Variants in DAB1 observed in about 807,000 individuals in gnomAD.
DAB1 encodes the protein disabled homolog 1.
DAB1 carries 15 observed loss-of-function variants against 64.6 expected under a neutral mutation model. The ratio of observed to expected loss-of-function variants is 0.23; its 90% CI spans 0.16 to 0.36. DAB1 has a LOEUF of 0.36. Among genes scored for constraint, DAB1 ranks in the 10% least tolerant of loss-of-function variants. DAB1 has a pLI of 1.00. For synonymous variants in DAB1, 235 were observed against 251.9 expected, an observed-to-expected ratio of 0.93 and a Z score of 0.64; for missense variants, 596 against 706.7, an observed-to-expected ratio of 0.84 and a Z score of 1.78.
At chr1:57,553,104 T>C (rs571640752) in intron 7 of DAB1, among the ~76,000 whole-genome samples, 4 of 151,838 alleles carry the variant, frequency 2.6e-5, no homozygotes, top group East Asian at 2.0e-4. Flanking sequence ...GTGGCAAGCA[T>C]AGGGAGTAAA....
chr1:57,421,906 G>T (rs1409295492), intron 1 of DAB1, among the ~76,000 whole-genome samples: 1 of 100,924 alleles, frequency 9.9e-6, no homozygotes, highest in African/African-American at 4.1e-5. Context: ...GGGTGGCGGG[G>T]GGGGGGGTGG....
intron 4 of DAB1, among the ~76,000 whole-genome samples, chr1:58,282,605 T>TAAAA (rs10641105): frequency 0.014 from 2,067 of 147,938 alleles, 29 homozygotes; most frequent in Non-Finnish European, 0.02. Flanking sequence ...GCCTTTGTTC[T>TAAAA]AAAAAAAAAA....
intron 7 of DAB1, among the ~76,000 whole-genome samples, chr1:57,520,610 G>T (rs1474360347): frequency 1.3e-5 from 2 of 152,022 alleles, no homozygotes; most frequent in Admixed American, 1.3e-4. Context: ...ATTAGACATT[G>T]TTATACTGCT....
chr1:58,228,493 G>A (rs1025543673), intron 4 of DAB1, among the ~76,000 whole-genome samples: 3 of 152,124 alleles, frequency 2.0e-5, no homozygotes, highest in African/African-American at 7.2e-5. Flanking sequence ...CAGAGTCAGA[G>A]GCACTGGGTG....
At chr1:57,614,232 C>T (rs1283833380) in intron 7 of DAB1, among the ~76,000 whole-genome samples, 4 of 152,200 alleles carry the variant, frequency 2.6e-5, no homozygotes, top group African/African-American at 9.7e-5. Flanking sequence ...ATCTCTTAAG[C>T]TTTCAATGTT....
chr1:58,263,986 G>C (rs897111094), intron 4 of DAB1, among the ~76,000 whole-genome samples: 5 of 152,302 alleles, frequency 3.3e-5, no homozygotes, highest in Middle Eastern at 3.4e-3. Flanking sequence ...GATATGTATA[G>C]TGTGCACTTA....
chr1:57,665,013 T>C (rs1459097262), intron 6 of DAB1, among the ~76,000 whole-genome samples: 1 of 152,098 alleles, frequency 6.6e-6, no homozygotes, highest in Non-Finnish European at 1.5e-5. Flanking sequence ...ATTATTACTT[T>C]AGAGGATACT....
intron 4 of DAB1, among the ~76,000 whole-genome samples, chr1:58,215,405 T>TG (rs1658797424): frequency 1.3e-5 from 1 of 75,442 alleles, no homozygotes; most frequent in South Asian, 4.1e-4. Context: ...GATAGTGTTT[T>TG]TTTTTTTTTT....
intron 3 of DAB1, among the ~76,000 whole-genome samples, chr1:58,497,329 G>A (rs1050293280): frequency 2.0e-4 from 31 of 152,060 alleles, no homozygotes; most frequent in Admixed American, 7.9e-4. Context: ...ATTTAAACAG[G>A]CCAACTGTAA....
intron 7 of DAB1, among the ~76,000 whole-genome samples, chr1:57,549,842 G>C (rs1644894695): frequency 6.6e-6 from 1 of 152,158 alleles, no homozygotes; most frequent in Non-Finnish European, 1.5e-5. Context: ...GAACAGAAAT[G>C]AGATTTTTGA....
chr1:57,426,387 A>G (rs1246025861), upstream of DAB1, among the ~76,000 whole-genome samples: 1 of 152,248 alleles, frequency 6.6e-6, no homozygotes, highest in Non-Finnish European at 1.5e-5. Flanking sequence ...ACATGTAGAT[A>G]CCCACCAATG....
At chr1:58,196,220 G>A (rs1657669517) in intron 4 of DAB1, among the ~76,000 whole-genome samples, 1 of 152,214 alleles carries the variant, frequency 6.6e-6, no homozygotes, top group Admixed American at 6.5e-5. Flanking sequence ...GCAAATGCAG[G>A]AGGTGAAAAG....
intron 6 of DAB1, among the ~76,000 whole-genome samples, chr1:57,670,646 C>A (rs1646499422): frequency 6.6e-6 from 1 of 152,048 alleles, no homozygotes. Context: ...AACATAAAAT[C>A]CTATTGCCTA....
At chr1:58,400,846 TTAC>T (rs111876023) in intron 3 of DAB1, among the ~76,000 whole-genome samples, 126 of 152,322 alleles carry the variant, frequency 8.3e-4, no homozygotes, top group African/African-American at 2.9e-3. Flanking sequence ...TTGGGAATAA[TTAC>T]GCATTTTGAT....
In DAB1 at chr1:57,181,055, C is replaced by T. The variant is rs77222862; in HGVS notation, c.68-35626G>A. On this transcript the variant is annotated intron_variant, in intron 2 of 14. Transcript: ENST00000371236. ...GTGTGTGGGCATCTTTATCTCTGTC[C>T]GCTGCTCAAATGCCAAATGTCTGAC... Among the ~76,000 whole-genome samples, 356 of 152,262 alleles carry T rather than the reference C, an allele frequency of 2.3e-3. 1 individual carries two copies. The highest frequency in any genetic ancestry group is 8.1e-3 in the African/African-American group (337 of 41,544).
intron 7 of DAB1, among the ~76,000 whole-genome samples, chr1:57,600,651 A>G (rs910985173): frequency 6.6e-6 from 1 of 152,168 alleles, no homozygotes; most frequent in Non-Finnish European, 1.5e-5. Context: ...ACTGAAAGCC[A>G]GTGCCTTCCT....
chr1:57,245,328 T>C (rs1292122728), intron 2 of DAB1, among the ~76,000 whole-genome samples: 1 of 152,118 alleles, frequency 6.6e-6, no homozygotes, highest in East Asian at 1.9e-4. Context: ...CATGTGCACA[T>C]TGTGCAGGTC....
At chr1:58,183,697 T>G (rs954505572) in intron 4 of DAB1, among the ~76,000 whole-genome samples, 4 of 152,128 alleles carry the variant, frequency 2.6e-5, no homozygotes, top group African/African-American at 9.7e-5. Context: ...TGACGTATTA[T>G]AGGAATTCTG....
At chr1:57,775,150 C>T (rs114423501) in intron 6 of DAB1, among the ~76,000 whole-genome samples, 1 of 151,186 alleles carries the variant, frequency 6.6e-6, no homozygotes, top group Non-Finnish European at 1.5e-5. Context: ...ATGTCTTTTC[C>T]TCTTTTTTCT....
Sources: allele counts gnomAD v4.1 joint callset (sites outside exome capture counted in the v4.1 genomes callset), GRCh38; gene constraint gnomAD v4.1.1; transcripts MANE v1.5; gene names NCBI Gene and HGNC (gene_info 2026-07-23, HGNC 2026-07-21).